DIPK1A: variants seen among roughly 807,000 people sequenced by gnomAD.
DIPK1A encodes divergent protein kinase domain 1A, also known as family with sequence similarity 69 member A.
DIPK1A carries 27 observed loss-of-function variants against 40.8 expected under a neutral mutation model. The ratio of observed to expected loss-of-function variants is 0.66; its 90% confidence interval spans 0.49 to 0.91. The LOEUF (loss-of-function observed/expected upper bound fraction) is 0.91. Among genes scored for constraint, DIPK1A ranks in the 40% least tolerant of loss-of-function variants. The pLI is 0.00. For synonymous variants in DIPK1A, 166 were observed against 171.3 expected, an observed-to-expected ratio of 0.97 and a Z score of 0.24; for missense variants, 412 against 505.7, an observed-to-expected ratio of 0.81 and a Z score of 1.78.
intron 1 of DIPK1A, among the ~76,000 whole-genome samples, chr1:92,903,297 T>C (rs1216470385): frequency 2.0e-5 from 3 of 152,156 alleles, no homozygotes; most frequent in Non-Finnish European, 4.4e-5. Context: ...CCTCCCACCT[T>C]GGCCTCCCAA....
chr1:92,950,547 G>A (rs1181537504), intron 1 of DIPK1A, among the ~76,000 whole-genome samples: 1 of 152,198 alleles, frequency 6.6e-6, no homozygotes, highest in Non-Finnish European at 1.5e-5. Flanking sequence ...TAGACAAAAG[G>A]AGATGTGAAT....
rs796637155 is a variant in DIPK1A, at chr1:92,846,841, ATGTG to A, written c.474+338_474+341del. Among the ~76,000 whole-genome samples the A allele has an allele frequency of 4.8e-3, 10 of 2,062 alleles. 3 individuals are homozygous for A. The highest frequency in any genetic ancestry group is 7.3e-3 in the African/African-American group (2 of 274). The allele number at this position is 2,062 out of a possible 152,430, so 1.4% of individuals were successfully genotyped here. ...TATATATATATATATATATATATAT[ATGTG>A]TGTATATATATATGTGTGTATATAT... is the stretch of plus-strand genomic sequence containing the variant. On this transcript the variant is annotated intron_variant, in intron 4 of 4. Transcript: ENST00000370310.
chr1:92,836,615 C>A, intron 4 of DIPK1A: 1 of 551,298 alleles, frequency 1.8e-6, no homozygotes, highest in Non-Finnish European at 3.2e-6. Context: ...TTTTTCGGGC[C>A]AGTTATTGAA....
intron 1 of DIPK1A, among the ~76,000 whole-genome samples, chr1:92,894,125 A>G (rs1227574228): frequency 6.6e-6 from 1 of 152,194 alleles, no homozygotes; most frequent in East Asian, 1.9e-4. Context: ...ATATCCAGGA[A>G]TTGAACTCAG....
chr1:92,900,851 G>C (rs1649385134), intron 1 of DIPK1A, among the ~76,000 whole-genome samples: 1 of 151,430 alleles, frequency 6.6e-6, no homozygotes, highest in African/African-American at 2.4e-5. Flanking sequence ...GGCTTTCCTT[G>C]CTTTTCTTCA....
chr1:92,876,665 A>G (rs1400781117), intron 1 of DIPK1A, among the ~76,000 whole-genome samples: 1 of 152,128 alleles, frequency 6.6e-6, no homozygotes, highest in Non-Finnish European at 1.5e-5. Flanking sequence ...AAGATGTATA[A>G]CCTTTCAAAT....
At chr1:92,941,570 CTTTG>C (rs764048015) in intron 1 of DIPK1A, among the ~76,000 whole-genome samples, 8 of 152,192 alleles carry the variant, frequency 5.3e-5, no homozygotes, top group Middle Eastern at 3.4e-3. Flanking sequence ...TTCAATTGCC[CTTTG>C]TTTGGTGTCC....
chr1:92,927,947 G>C (rs1314181402), intron 1 of DIPK1A, among the ~76,000 whole-genome samples: 1 of 152,106 alleles, frequency 6.6e-6, no homozygotes, highest in East Asian at 1.9e-4. Context: ...TGTGGATGTG[G>C]GTTTTCATTT....
At chr1:92,880,279 G>A in intron 1 of DIPK1A, among the ~76,000 whole-genome samples, 1 of 152,238 alleles carries the variant, frequency 6.6e-6, no homozygotes, top group Middle Eastern at 3.4e-3. Context: ...TCTTATATTA[G>A]CCTTTAATGC....
chr1:92,920,213 C>A (rs571392340), intron 1 of DIPK1A, among the ~76,000 whole-genome samples: 2 of 152,214 alleles, frequency 1.3e-5, no homozygotes, highest in Non-Finnish European at 2.9e-5. Context: ...TTGTAATAAT[C>A]CCCATGTGTC....
In DIPK1A at chr1:92,879,155, G is replaced by A. The variant is rs146215711; in HGVS notation, c.55-2725C>T. Among the ~76,000 whole-genome samples, 345 of 152,268 alleles carry A rather than the reference G, an allele frequency of 2.3e-3. 6 individuals are homozygous for A. Among genetic ancestry groups the A allele is most frequent in the African/African-American group, 7.7e-3 (319 of 41,548 alleles). On this transcript the variant is annotated intron_variant, in intron 1 of 4. Transcript: ENST00000370310. ...AGATCGCACCACTGCACTACAGCCT[G>A]GGTGACACAGAGAGACCCTGTTGCA... is the stretch of plus-strand genomic sequence containing the variant.
intron 1 of DIPK1A, among the ~76,000 whole-genome samples, chr1:92,895,067 C>G (rs1419517123): frequency 6.6e-6 from 1 of 152,054 alleles, no homozygotes; most frequent in Non-Finnish European, 1.5e-5. Flanking sequence ...CCAAATTCTA[C>G]CAGAGGTACA....
intron 1 of DIPK1A, among the ~76,000 whole-genome samples, chr1:92,939,706 C>A (rs1258786574): frequency 2.0e-5 from 3 of 152,174 alleles, no homozygotes; most frequent in Admixed American, 6.5e-5. Flanking sequence ...GTAATCCCAG[C>A]ACTTTGGGAG....
At chr1:92,882,352 C>T (rs1428957267) in intron 1 of DIPK1A, among the ~76,000 whole-genome samples, 1 of 152,216 alleles carries the variant, frequency 6.6e-6, no homozygotes, top group Non-Finnish European at 1.5e-5. Context: ...CGTGCCATTG[C>T]ACTCCAGCCT....
chr1:92,895,057 C>T (rs1649097224), intron 1 of DIPK1A, among the ~76,000 whole-genome samples: 1 of 152,074 alleles, frequency 6.6e-6, no homozygotes, highest in African/African-American at 2.4e-5. Context: ...GGACTCACAG[C>T]CAAATTCTAC....
At chr1:92,895,853 A>T (rs1186116126) in intron 1 of DIPK1A, among the ~76,000 whole-genome samples, 2 of 152,086 alleles carry the variant, frequency 1.3e-5, no homozygotes, top group African/African-American at 2.4e-5. Context: ...ATTCTTATAC[A>T]CCAATAACAG....
At chr1:92,835,679 ATG>A (rs1553122024) in intron 4 of DIPK1A, among the ~76,000 whole-genome samples, 2 of 150,976 alleles carry the variant, frequency 1.3e-5, no homozygotes, top group Admixed American at 6.6e-5. Context: ...AAAAAAAAAA[ATG>A]AGAATCTTAG....
intron 2 of DIPK1A, among the ~76,000 whole-genome samples, chr1:92,860,982 CACTT>C (rs1309479173): frequency 2.0e-5 from 3 of 152,194 alleles, no homozygotes. Flanking sequence ...ACTTAATCCT[CACTT>C]ACATCAAACA....
intron 1 of DIPK1A, among the ~76,000 whole-genome samples, chr1:92,893,235 T>C (rs1023004733): frequency 1.3e-5 from 2 of 150,086 alleles, no homozygotes; most frequent in Non-Finnish European, 3.0e-5. Flanking sequence ...GGAAAAAATG[T>C]TAAGGGCAGC....
Sources: gnomAD v4.1 joint callset for allele counts (sites outside exome capture counted in the v4.1 genomes callset) on GRCh38, gnomAD v4.1.1 for gene constraint, MANE v1.5 for transcripts, NCBI Gene and HGNC (gene_info 2026-07-23, HGNC 2026-07-21) for gene names.